Variants in ROBO2 observed in about 807,000 individuals in gnomAD.
The protein encoded by ROBO2 is roundabout guidance receptor 2, also known as roundabout homolog 2.
In ROBO2, 53 loss-of-function variants were observed where a neutral mutation model predicts 160.8. The observed-to-expected ratio is 0.33, with a 90% CI of 0.26 to 0.41. The LOEUF (loss-of-function observed/expected upper bound fraction) is 0.41. Among genes scored for constraint, ROBO2 ranks in the 10% least tolerant of loss-of-function variants. ROBO2 has a pLI of 1.00. For missense variants in ROBO2, 1,577 were observed against 1,722.4 expected (o/e 0.92, Z 1.49); for synonymous variants, 664 against 611.7 (o/e 1.09, Z -1.26).
chr3:76,216,132 G>A (rs886535525), intron 2 of ROBO2, among the ~76,000 whole-genome samples: 4 of 152,152 alleles, frequency 2.6e-5, no homozygotes, highest in African/African-American at 7.2e-5. Context: ...TCACCACCAG[G>A]CCTGCCCTAA....
At chr3:77,617,212 G>A (rs541538988) in intron 21 of ROBO2, among the ~76,000 whole-genome samples, 15 of 134,780 alleles carry the variant, frequency 1.1e-4, no homozygotes, top group Middle Eastern at 4.1e-3. Context: ...TTAGCAATTT[G>A]GTTTTTCCAC....
chr3:75,985,939 T>G (rs1007577851), intron 2 of ROBO2, among the ~76,000 whole-genome samples: 1 of 151,716 alleles, frequency 6.6e-6, no homozygotes, highest in Non-Finnish European at 1.5e-5. Flanking sequence ...TGCTTATCCA[T>G]TAATCCATTG....
intron 2 of ROBO2, among the ~76,000 whole-genome samples, chr3:76,595,663 A>G (rs1241459713): frequency 6.6e-6 from 1 of 152,110 alleles, no homozygotes; most frequent in South Asian, 2.1e-4. Context: ...TATTGCACGG[A>G]AAGGCCAAGA....
At chr3:77,506,017 C>T (rs1028101592) in intron 5 of ROBO2, among the ~76,000 whole-genome samples, 1 of 152,012 alleles carries the variant, frequency 6.6e-6, no homozygotes, top group African/African-American at 2.4e-5. Context: ...CTTCTTTAAA[C>T]AGAGGAGAAA....
intron 2 of ROBO2, among the ~76,000 whole-genome samples, chr3:76,932,911 A>G (rs1453931225): frequency 6.6e-6 from 1 of 151,782 alleles, no homozygotes; most frequent in Non-Finnish European, 1.5e-5. Flanking sequence ...CCCGGCCCCG[A>G]GAAGTCTATT....
intron 2 of ROBO2, among the ~76,000 whole-genome samples, chr3:76,705,601 A>G (rs186300952): frequency 1.2e-4 from 18 of 152,246 alleles, no homozygotes; most frequent in Admixed American, 1.0e-3. Context: ...TTGGGGAGAA[A>G]CTAAAATGCA....
Position 77,414,592 on chromosome 3 carries a change from C to T in ROBO2, c.389-62822C>T, listed in dbSNP as rs180802367. On this transcript the variant is annotated intron_variant, in intron 2 of 25. Transcript: ENST00000461745. ...AAGTACTTGAGCAGACAAAACAAGA[C>T]GGGAGCTAGGCACAAGTGTAGAAGT... Among the ~76,000 whole-genome samples, 187 of 152,108 alleles carry T rather than the reference C, an allele frequency of 1.2e-3. 1 individual carries two copies. The highest frequency in any genetic ancestry group is 4.3e-3 in the African/African-American group (177 of 41,500).
intron 2 of ROBO2, among the ~76,000 whole-genome samples, chr3:76,441,448 A>G (rs2076923028): frequency 6.6e-6 from 1 of 152,206 alleles, no homozygotes; most frequent in South Asian, 2.1e-4. Flanking sequence ...GAAGAAGGGA[A>G]AAGCCCCTCA....
intron 2 of ROBO2, among the ~76,000 whole-genome samples, chr3:76,966,282 A>C (rs2059290383): frequency 6.6e-6 from 1 of 152,188 alleles, no homozygotes; most frequent in Non-Finnish European, 1.5e-5. Context: ...GTTTATTCAC[A>C]CAAAGCTATA....
chr3:76,981,488 G>A (rs1484036403), intron 2 of ROBO2, among the ~76,000 whole-genome samples: 1 of 152,100 alleles, frequency 6.6e-6, no homozygotes, highest in Non-Finnish European at 1.5e-5. Flanking sequence ...TTCTTTGGAG[G>A]TATATCTCTT....
intron 2 of ROBO2, among the ~76,000 whole-genome samples, chr3:77,290,274 G>C (rs1404810154): frequency 3.1e-5 from 3 of 95,996 alleles, no homozygotes; most frequent in South Asian, 3.9e-4. Flanking sequence ...GGCTAGAACA[G>C]TAAAGACATA....
chr3:76,998,962 TTTAA>T (rs1484619539), intron 2 of ROBO2, among the ~76,000 whole-genome samples: 1 of 152,156 alleles, frequency 6.6e-6, no homozygotes, highest in African/African-American at 2.4e-5. Flanking sequence ...CTTAGAAGTA[TTTAA>T]TTAACTATAG....
chr3:76,994,707 A>G (rs1012298334), intron 2 of ROBO2, among the ~76,000 whole-genome samples: 4 of 152,158 alleles, frequency 2.6e-5, no homozygotes, highest in Non-Finnish European at 5.9e-5. Context: ...GTTCTTGGAG[A>G]AATTACAGTT....
chr3:77,613,598 T>A (rs150748191), intron 21 of ROBO2, among the ~76,000 whole-genome samples: 4 of 152,284 alleles, frequency 2.6e-5, no homozygotes, highest in Non-Finnish European at 5.9e-5. Context: ...TTAAGTCAGA[T>A]AAATAAATTA....
chr3:76,022,960 C>G lies in ROBO2; in HGVS notation c.109+85358C>G, dbSNP rs1245524507. ...TCTTGTTTAGCGAAGCCACCTTCATCTATTATCTTAGCTAGATTTACTGGA... is the reference window on the plus strand; with the variant it reads ...TCTTGTTTAGCGAAGCCACCTTCATGTATTATCTTAGCTAGATTTACTGGA... On this transcript the variant is annotated intron_variant, in intron 2 of 26. Transcript: ENST00000487694. Among the ~76,000 whole-genome samples the G allele has an allele frequency of 4.0e-5, 6 of 151,880 alleles. No individual in the cohort carries two copies. In the East Asian group the frequency reaches 1.2e-3, roughly 29 times the overall value.
intron 21 of ROBO2, among the ~76,000 whole-genome samples, chr3:77,610,670 C>G (rs145276069): frequency 9.1e-6 from 1 of 109,618 alleles, no homozygotes; most frequent in Admixed American, 1.4e-4. Flanking sequence ...TGTTAGTCAA[C>G]AACTATAACA....
chr3:76,758,910 GC>G, intron 2 of ROBO2, among the ~76,000 whole-genome samples: 1 of 151,890 alleles, frequency 6.6e-6, no homozygotes, highest in East Asian at 2.0e-4. Context: ...ATATAACACT[GC>G]CCACCTCACA....
chr3:76,438,977 T>G (rs926882193), intron 2 of ROBO2, among the ~76,000 whole-genome samples: 5 of 152,008 alleles, frequency 3.3e-5, no homozygotes, highest in African/African-American at 1.2e-4. Context: ...GGATTTGGGT[T>G]TTTTTTTACA....
At position 76,798,140 on chromosome 3, in the gene ROBO2, GAGAAAGAAAGAA is replaced by G. The variant is rs146844266; in HGVS notation, c.110-299855_110-299844del. 6.5e-4 allele frequency among the ~76,000 whole-genome samples: 75 copies of G among 115,674 alleles called. 1 individual carries two copies. The highest frequency in any genetic ancestry group is 9.9e-4 in the African/African-American group (29 of 29,430). 75.9% of individuals were successfully genotyped at this position (115,674 alleles called of 152,430 possible). A position where few individuals can be genotyped will look rare whatever the true frequency, so the allele number is the denominator to read the frequency against. On this transcript the variant is annotated intron_variant, in intron 2 of 26. Transcript: ENST00000487694. ...AGAGAAAGAAGAAAGAAAGAAGAAA[GAGAAAGAAAGAA>G]AGAAAGAAAGAAAGAAAGGGAGAGA... is the stretch of plus-strand genomic sequence containing the variant.
Sources: gnomAD v4.1 joint callset for allele counts (sites outside exome capture counted in the v4.1 genomes callset) on GRCh38, gnomAD v4.1.1 for gene constraint, MANE v1.5 for transcripts, NCBI Gene and HGNC (gene_info 2026-07-23, HGNC 2026-07-21) for gene names.